TMEM74: variants seen among roughly 807,000 people sequenced by gnomAD.
The protein encoded by TMEM74 is transmembrane protein 74.
Under a neutral mutation model 18.1 loss-of-function variants are expected in TMEM74, and 13 were observed. The observed-to-expected ratio is 0.72, with a 90% confidence interval of 0.47 to 1.14. The LOEUF (loss-of-function observed/expected upper bound fraction) is 1.14, where lower values mean the gene tolerates loss of function less well. Among genes scored for constraint, TMEM74 ranks in the 50% most tolerant of loss-of-function variants. TMEM74 has a pLI of 0.00. For synonymous variants in TMEM74, 159 were observed against 146.6 expected, an observed-to-expected ratio of 1.08 and a Z score of -0.61; for missense variants, 372 against 375.9, an observed-to-expected ratio of 0.99 and a Z score of 0.09.
intron 1 of TMEM74, among the ~76,000 whole-genome samples, chr8:108,714,986 A>G (rs1813509088): frequency 1.3e-5 from 2 of 152,180 alleles, no homozygotes; most frequent in Non-Finnish European, 2.9e-5. Context: ...TCATTATTAC[A>G]TGACATAAAC....
intron 1 of TMEM74, among the ~76,000 whole-genome samples, chr8:108,763,784 C>A (rs1449899881): frequency 6.6e-6 from 1 of 152,130 alleles, no homozygotes; most frequent in Non-Finnish European, 1.5e-5. Flanking sequence ...ATAACAATCT[C>A]CAGAGTTATT....
intron 1 of TMEM74, among the ~76,000 whole-genome samples, chr8:108,770,318 T>C: frequency 6.6e-6 from 1 of 152,216 alleles, no homozygotes; most frequent in East Asian, 1.9e-4. Flanking sequence ...ACTAAATTGT[T>C]CTTCTACTGC....
chr8:108,736,265 T>C (rs1225464429), intron 1 of TMEM74, among the ~76,000 whole-genome samples: 1 of 152,196 alleles, frequency 6.6e-6, no homozygotes, highest in East Asian at 1.9e-4. Context: ...CTACTTGTTA[T>C]AGAAATTTTC....
At chr8:108,704,531 G>T (rs894596947) in intron 1 of TMEM74, among the ~76,000 whole-genome samples, 26 of 150,320 alleles carry the variant, frequency 1.7e-4, no homozygotes, top group African/African-American at 5.8e-4. Flanking sequence ...ATAAATTTAG[G>T]TCTACAGGAA....
intron 1 of TMEM74, among the ~76,000 whole-genome samples, chr8:108,692,380 G>A (rs998959256): frequency 1.3e-5 from 2 of 152,102 alleles, no homozygotes; most frequent in Non-Finnish European, 2.9e-5. Flanking sequence ...CTTCTACAGG[G>A]TGTCACATGT....
chr8:108,750,498 G>C (rs1813893427), intron 1 of TMEM74, among the ~76,000 whole-genome samples: 1 of 152,098 alleles, frequency 6.6e-6, no homozygotes, highest in South Asian at 2.1e-4. Flanking sequence ...TGGTTTGGCA[G>C]TTATGACATT....
chr8:108,689,857 T>C (rs530397986), intron 1 of TMEM74, among the ~76,000 whole-genome samples: 1 of 152,272 alleles, frequency 6.6e-6, no homozygotes, highest in South Asian at 2.1e-4. Flanking sequence ...GGTGTTGTTC[T>C]TCCCACTTCA....
At chr8:108,672,922 G>T (rs988900122) in intron 1 of TMEM74, among the ~76,000 whole-genome samples, 2 of 152,204 alleles carry the variant, frequency 1.3e-5, no homozygotes, top group African/African-American at 4.8e-5. Context: ...CACAAAGCAG[G>T]TATTCCAGAT....
intron 1 of TMEM74, among the ~76,000 whole-genome samples, chr8:108,705,369 T>G (rs1243017389): frequency 6.6e-6 from 1 of 152,200 alleles, no homozygotes; most frequent in African/African-American, 2.4e-5. Flanking sequence ...CAGATTTAAT[T>G]CAGAGAAATG....
chr8:108,787,406 C>T (rs1010841807), intron 1 of TMEM74, 70 bp downstream of exon 1: 1 of 152,328 alleles, frequency 6.6e-6, no homozygotes, highest in Non-Finnish European at 1.5e-5. Context: ...TGCGCTCCAG[C>T]TCTGCTAGGC....
intron 1 of TMEM74, among the ~76,000 whole-genome samples, chr8:108,690,462 C>T (rs1813214496): frequency 1.3e-5 from 2 of 151,836 alleles, no homozygotes; most frequent in Admixed American, 6.6e-5. Flanking sequence ...GCAACAGAAG[C>T]TCTGGCAAGG....
chr8:108,724,337 C>G (rs896114528), intron 1 of TMEM74, among the ~76,000 whole-genome samples: 3 of 152,026 alleles, frequency 2.0e-5, no homozygotes, highest in Non-Finnish European at 4.4e-5. Context: ...GTGACAGTCC[C>G]CTTATTTAAT....
intron 1 of TMEM74, among the ~76,000 whole-genome samples, chr8:108,675,025 T>C (rs1813042835): frequency 6.6e-6 from 1 of 152,164 alleles, no homozygotes; most frequent in Non-Finnish European, 1.5e-5. Context: ...TTAATACCCT[T>C]AGCCTTCACC....
intron 2 of TMEM74, among the ~76,000 whole-genome samples, chr8:108,638,735 T>C (rs141346843): frequency 9.4e-4 from 143 of 152,280 alleles, no homozygotes; most frequent in African/African-American, 3.3e-3. Flanking sequence ...CTAGGCACTG[T>C]ATTATGTATT....
intron 2 of TMEM74, among the ~76,000 whole-genome samples, chr8:108,632,015 A>G (rs1425872110): frequency 2.0e-5 from 3 of 152,006 alleles, no homozygotes; most frequent in Non-Finnish European, 2.9e-5. Flanking sequence ...TCCTACCCTC[A>G]TGGGAGGCTT....
chr8:108,623,376 A>T (rs140325175), intron 2 of TMEM74, among the ~76,000 whole-genome samples: 86 of 152,158 alleles, frequency 5.7e-4, no homozygotes, highest in African/African-American at 1.9e-3. Flanking sequence ...TTGGCTTTTG[A>T]AGCTCAAGGA....
At position 108,781,680 on chromosome 8, in the gene TMEM74, A is replaced by T. The variant is rs1814308719; in HGVS notation, c.*2501T>A. ...TTAAATAATGTTGAAGTGTGCATTTACTTACCACATTTCGATTTTAAATTT... is the reference window on the plus strand; with the variant it reads ...TTAAATAATGTTGAAGTGTGCATTTTCTTACCACATTTCGATTTTAAATTT... On this transcript the variant is annotated 3_prime_UTR_variant, in exon 2 of 2. Coordinates refer to ENST00000297459, the MANE Select transcript of TMEM74 (RefSeq NM_153015.3). Among the ~76,000 whole-genome samples the T allele has an allele frequency of 2.0e-5, 3 of 152,228 alleles. No individual in the cohort carries two copies. Among genetic ancestry groups the T allele is most frequent in the Admixed American group, 2.0e-4 (3 of 15,280 alleles).
chr8:108,784,619 C>T lies in TMEM74; in HGVS notation c.480G>A (p.Glu160=). ...EAAISLISEE[E]DDTSSEATSS... ...ACGTGGCTTCTGAACTTGTATCATC[C>T]TCCTCTTCAGATATCAAAGATATGG... Residue 160 remains glutamate, a synonymous_variant, in exon 2 of 2, where the codon GAG becomes GAA. Coordinates refer to ENST00000297459, the MANE Select transcript of TMEM74 (RefSeq NM_153015.3). 1 of 1,614,152 alleles carries T rather than the reference C, an allele frequency of 6.2e-7. No homozygotes were observed. Among genetic ancestry groups the T allele is most frequent in the Non-Finnish European group, 8.5e-7 (1 of 1,180,034 alleles).
chr8:108,652,704 T>C, intron 2 of TMEM74: 1 of 553,620 alleles, frequency 1.8e-6, no homozygotes, highest in Admixed American at 3.0e-5. Flanking sequence ...ACACAGCAAA[T>C]ATTTTCTGAG....
Sources: gnomAD v4.1 joint callset for allele counts (sites outside exome capture counted in the v4.1 genomes callset) on GRCh38, gnomAD v4.1.1 for gene constraint, MANE v1.5 for transcripts, NCBI Gene and HGNC (gene_info 2026-07-23, HGNC 2026-07-21) for gene names.